The following PLEK2 variants were observed in gnomAD, a reference collection of about 807,000 sequenced individuals.
PLEK2 encodes pleckstrin-2.
In PLEK2, 29 loss-of-function variants were observed where a neutral mutation model predicts 43.8. The observed-to-expected ratio is 0.66, with a 90% CI of 0.49 to 0.90. The LOEUF (loss-of-function observed/expected upper bound fraction) is 0.90, where lower values mean the gene tolerates loss of function less well. Ranked by LOEUF, PLEK2 falls within the 40% of genes least tolerant of loss-of-function variation. PLEK2 has a pLI of 0.00. For missense variants in PLEK2, 398 were observed against 448.1 expected (o/e 0.89, Z 1.01); for synonymous variants, 162 against 173.2 (o/e 0.94, Z 0.51).
intron 3 of PLEK2, 118 bp downstream of exon 3, chr14:67,395,284 G>A (rs534473862): frequency 3.4e-5 from 28 of 829,548 alleles, no homozygotes; most frequent in South Asian, 2.0e-4. Flanking sequence ...CTGAAGCACC[G>A]TGGTGGCACC....
At chr14:67,400,325 G>C (rs1595658990) in intron 1 of PLEK2, among the ~76,000 whole-genome samples, 1 of 152,208 alleles carries the variant, frequency 6.6e-6, no homozygotes, top group Non-Finnish European at 1.5e-5. Flanking sequence ...CAGTGGAATT[G>C]CACATTTTTG....
intron 1 of PLEK2, among the ~76,000 whole-genome samples, chr14:67,399,850 G>C (rs765476052): frequency 4.9e-4 from 75 of 152,346 alleles, no homozygotes; most frequent in Admixed American, 1.2e-3. Flanking sequence ...CAGTGGATGG[G>C]GAAATGTCTG....
chr14:67,401,554 G>T (rs1353659842), intron 1 of PLEK2, among the ~76,000 whole-genome samples: 1 of 151,800 alleles, frequency 6.6e-6, no homozygotes, highest in Non-Finnish European at 1.5e-5. Flanking sequence ...GAGGAGATTT[G>T]GACACACAGC....
At chr14:67,389,761 A>G (rs1018469800) in intron 7 of PLEK2, among the ~76,000 whole-genome samples, 7 of 150,600 alleles carry the variant, frequency 4.6e-5, no homozygotes, top group African/African-American at 2.5e-5. Flanking sequence ...ATACAAAACT[A>G]AAGTGTTTTT....
intron 1 of PLEK2, among the ~76,000 whole-genome samples, chr14:67,408,456 G>C (rs1316455768): frequency 6.6e-6 from 1 of 152,170 alleles, no homozygotes; most frequent in Non-Finnish European, 1.5e-5. Flanking sequence ...CTGTAAGTGT[G>C]ATGTTATTTG....
chr14:67,388,385 T>C (rs765613002), intron 7 of PLEK2, 83 bp from the exon 8 acceptor site: 60 of 831,914 alleles, frequency 7.2e-5, no homozygotes, highest in Non-Finnish European at 8.6e-5. Context: ...TCAGGCCAGC[T>C]AAAGAAGTGA....
chr14:67,387,166 GCAC>G lies in PLEK2; in HGVS notation c.*160_*162del. The G allele has an allele frequency of 1.7e-6, 1 of 591,602 alleles. No individual in the cohort carries two copies. Among genetic ancestry groups the G allele is most frequent in the Non-Finnish European group, 2.8e-6 (1 of 356,840 alleles). 36.6% of individuals were successfully genotyped at this position (591,602 alleles called of 1,614,324 possible). The stretch of plus-strand genomic sequence containing the variant: ...TAACATGAAGATGGGGAAGGAAATG[GCAC>G]CACTGCTGTTTGTAATCTGAGGAAC... On this transcript the variant is annotated 3_prime_UTR_variant, in exon 9 of 9. Coordinates refer to ENST00000216446, the MANE Select transcript of PLEK2 (RefSeq NM_016445.3).
At chr14:67,410,449 C>G (rs902290050) in intron 1 of PLEK2, among the ~76,000 whole-genome samples, 9 of 151,712 alleles carry the variant, frequency 5.9e-5, no homozygotes, top group African/African-American at 2.2e-4. Context: ...CATGTGTAGT[C>G]TGAGGTGCAG....
chr14:67,406,791 A>G (rs2086082250), intron 1 of PLEK2, among the ~76,000 whole-genome samples: 2 of 152,194 alleles, frequency 1.3e-5, no homozygotes, highest in Admixed American at 1.3e-4. Flanking sequence ...CACACCATGC[A>G]CAGAGGGCAT....
intron 3 of PLEK2, among the ~76,000 whole-genome samples, chr14:67,395,043 C>A (rs1190999141): frequency 2.0e-5 from 3 of 152,132 alleles, no homozygotes; most frequent in Non-Finnish European, 4.4e-5. Flanking sequence ...TTATGAGTTA[C>A]CCAATTTCAG....
intron 4 of PLEK2, 43 bp from the exon 5 acceptor site, chr14:67,392,892 G>A: frequency 1.3e-6 from 2 of 1,512,966 alleles, no homozygotes; most frequent in Non-Finnish European, 1.8e-6. Context: ...TGATGGACCA[G>A]CGTCCTTGGG....
chr14:67,412,008 G>C lies in PLEK2; in HGVS notation c.42+10C>G. The C allele has an allele frequency of 1.9e-6, 3 of 1,547,488 alleles. No homozygotes were observed. Among genetic ancestry groups the C allele is most frequent in the Non-Finnish European group, 1.7e-6 (2 of 1,148,664 alleles). ...CCCGGGCAATGTCCCGAAGCTCGAC[G>C]CGCACTCACCCTCTTGACCAGGAAG... On this transcript the variant is annotated intron_variant, in intron 1 of 8. Coordinates refer to ENST00000216446, the MANE Select transcript of PLEK2 (RefSeq NM_016445.3).
At chr14:67,389,397 G>A (rs1167750500) in intron 7 of PLEK2, among the ~76,000 whole-genome samples, 1 of 152,056 alleles carries the variant, frequency 6.6e-6, no homozygotes, top group Non-Finnish European at 1.5e-5. Flanking sequence ...AGCCTAAACA[G>A]GAGGAAGAGT....
In PLEK2 at chr14:67,388,316, G is replaced by A. The variant is rs200393632; in HGVS notation, c.856-14C>T. On this transcript the variant is annotated splice_polypyrimidine_tract_variant and intron_variant, in intron 7 of 8. Transcript: ENST00000216446. ...CCTGTTCTCTTCCTGTAGAGGAAAGGAGACCCAATTAGGAATTTGTGAATG... is the reference window on the plus strand; with the variant it reads ...CCTGTTCTCTTCCTGTAGAGGAAAGAAGACCCAATTAGGAATTTGTGAATG... The A allele has an allele frequency of 2.7e-5, 42 of 1,568,362 alleles. No homozygotes were observed. The African/African-American group carries it at 5.1e-4, about 19-fold the overall frequency.
At chr14:67,403,385 C>T (rs1382965311) in intron 1 of PLEK2, among the ~76,000 whole-genome samples, 2 of 152,200 alleles carry the variant, frequency 1.3e-5, no homozygotes, top group Non-Finnish European at 2.9e-5. Flanking sequence ...CAAACAGAGT[C>T]AGCAGTGATG....
chr14:67,406,705 G>T (rs2086081833), intron 1 of PLEK2, among the ~76,000 whole-genome samples: 2 of 152,196 alleles, frequency 1.3e-5, no homozygotes. Flanking sequence ...CTGGAGTGGG[G>T]AGCTCAGCTG....
chr14:67,408,412 CA>C (rs1284542602), intron 1 of PLEK2, among the ~76,000 whole-genome samples: 1 of 151,490 alleles, frequency 6.6e-6, no homozygotes, highest in African/African-American at 2.4e-5. Context: ...TGTATTTCCC[CA>C]AAAAAGATAC....
At chr14:67,401,183 C>T (rs1162035227) in intron 1 of PLEK2, among the ~76,000 whole-genome samples, 1 of 151,800 alleles carries the variant, frequency 6.6e-6, no homozygotes, top group Non-Finnish European at 1.5e-5. Context: ...TGACTAGAGT[C>T]TTTATAAGAA....
At position 67,388,271 on chromosome 14, in the gene PLEK2, A is replaced by T; in HGVS notation, c.887T>A (p.Leu296His). ...CAGAGCAGACACGAGTGAACCACGA[A>T]GAGAAAACCCACCCACTGGCCTGTT... ...EENRPVGGFS[L>H]RGSLVSALED... The change falls in exon 8 of 9, where the codon CTT (leucine) becomes CAT (histidine). Residue 296 changes from leucine (L) to histidine (H), a missense_variant. Physicochemically the swap from Leu to His is moderately conservative, Grantham distance 99 (BLOSUM62 -3). Coordinates refer to ENST00000216446, the MANE Select transcript of PLEK2 (RefSeq NM_016445.3). 1.2e-6 allele frequency: 2 copies of T among 1,613,438 alleles called. No homozygotes were observed. The highest frequency in any genetic ancestry group is 1.7e-6 in the Non-Finnish European group (2 of 1,179,378).
Sources: allele counts gnomAD v4.1 joint callset (sites outside exome capture counted in the v4.1 genomes callset), GRCh38; gene constraint gnomAD v4.1.1; transcripts MANE v1.5; gene names NCBI Gene and HGNC (gene_info 2026-07-23, HGNC 2026-07-21).